EYA2: variants seen among roughly 807,000 people sequenced by gnomAD.
EYA2 encodes the protein EYA transcriptional coactivator and phosphatase 2, also known as protein phosphatase EYA2.
A neutral mutation model predicts 69.2 loss-of-function variants in EYA2; 31 were observed. The ratio of observed to expected loss-of-function variants is 0.45; its 90% CI spans 0.34 to 0.60. The LOEUF is 0.60. Ranked by LOEUF, EYA2 falls within the 20% of genes least tolerant of loss-of-function variation. EYA2 has a pLI of 0.02. For missense variants in EYA2, 622 were observed against 701.2 expected (o/e 0.89, Z 1.28); for synonymous variants, 257 against 279.4 (o/e 0.92, Z 0.80).
intron 5 of EYA2, among the ~76,000 whole-genome samples, chr20:47,039,307 T>G (rs1036958475): frequency 6.6e-6 from 1 of 152,214 alleles, no homozygotes; most frequent in African/African-American, 2.4e-5. Context: ...AGAATAATAT[T>G]TCATGGCACA....
intron 1 of EYA2, among the ~76,000 whole-genome samples, chr20:46,915,360 C>T (rs549990404): frequency 2.5e-4 from 38 of 152,342 alleles, no homozygotes; most frequent in Non-Finnish European, 2.9e-5. Flanking sequence ...TTATGCCCCT[C>T]TCATGGCCTG....
At chr20:46,895,052 T>C (rs1983727383) in intron 1 of EYA2, 65 bp downstream of exon 1, 1 of 151,798 alleles carries the variant, frequency 6.6e-6, no homozygotes. Flanking sequence ...GGGGGAGTTG[T>C]TCACCGGGAC....
At chr20:47,087,969 G>A (rs1415544236) in intron 7 of EYA2, among the ~76,000 whole-genome samples, 1 of 152,244 alleles carries the variant, frequency 6.6e-6, no homozygotes, top group Non-Finnish European at 1.5e-5. Flanking sequence ...GCTCACGCCT[G>A]TAATCCCAGC....
At chr20:47,178,022 C>T (rs762359939) in intron 12 of EYA2, among the ~76,000 whole-genome samples, 14 of 152,160 alleles carry the variant, frequency 9.2e-5, no homozygotes, top group Non-Finnish European at 2.1e-4. Context: ...CCTTCCAGAA[C>T]AAATGACATT....
chr20:47,141,066 C>T (rs1208456179), intron 9 of EYA2, among the ~76,000 whole-genome samples: 2 of 152,176 alleles, frequency 1.3e-5, no homozygotes, highest in Non-Finnish European at 2.9e-5. Flanking sequence ...CCCAACACTG[C>T]CACATTGGAG....
intron 9 of EYA2, among the ~76,000 whole-genome samples, chr20:47,140,666 G>A (rs2033575490): frequency 6.6e-6 from 1 of 152,070 alleles, no homozygotes; most frequent in Non-Finnish European, 1.5e-5. Context: ...AGCTTGTATG[G>A]CCTTGAACAA....
intron 9 of EYA2, among the ~76,000 whole-genome samples, chr20:47,130,917 C>T (rs528430341): frequency 6.6e-6 from 1 of 152,120 alleles, no homozygotes; most frequent in Non-Finnish European, 1.5e-5. Context: ...TGGTGAAACC[C>T]CATCTCTACT....
intron 1 of EYA2, among the ~76,000 whole-genome samples, chr20:46,933,314 G>A (rs1282196345): frequency 6.6e-6 from 1 of 152,180 alleles, no homozygotes; most frequent in Non-Finnish European, 1.5e-5. Context: ...TAGACAGCTG[G>A]GGCAGGAGGA....
chr20:47,160,571 G>T lies in EYA2; in HGVS notation c.979-8568G>T, dbSNP rs527653210. On this transcript the variant is annotated intron_variant, in intron 10 of 15. Coordinates refer to ENST00000327619, the MANE Select transcript of EYA2 (RefSeq NM_005244.5). ...TCGAAGGGAAAGCCAACAGGATTTG[G>T]TGATGGATGGGTGGCAGGATGTCAG... Among the ~76,000 whole-genome samples, 3 of 152,240 alleles carry T rather than the reference G, an allele frequency of 2.0e-5. No homozygotes were observed. The South Asian group carries it at 6.2e-4, about 32-fold the overall frequency.
intron 1 of EYA2, among the ~76,000 whole-genome samples, chr20:46,960,273 A>G (rs978237172): frequency 6.6e-6 from 1 of 152,148 alleles, no homozygotes; most frequent in African/African-American, 2.4e-5. Context: ...ACAGTGGAGG[A>G]AATGAAGGCT....
At chr20:47,021,212 T>A (rs1166623066) in intron 5 of EYA2, among the ~76,000 whole-genome samples, 1 of 152,196 alleles carries the variant, frequency 6.6e-6, no homozygotes, top group Non-Finnish European at 1.5e-5. Context: ...CGCTTCTATT[T>A]CCTGAACTCT....
intron 9 of EYA2, among the ~76,000 whole-genome samples, chr20:47,114,428 G>A (rs1224853120): frequency 2.0e-5 from 3 of 152,052 alleles, no homozygotes; most frequent in East Asian, 1.9e-4. Context: ...CAGCCTGGCC[G>A]ACATGGTGAA....
intron 9 of EYA2, among the ~76,000 whole-genome samples, chr20:47,125,123 G>A (rs994057352): frequency 6.1e-5 from 9 of 146,880 alleles, no homozygotes; most frequent in East Asian, 6.1e-4. Flanking sequence ...GCACTATCTC[G>A]GCTCACTGCA....
At chr20:47,045,424 G>C (rs933292375) in intron 5 of EYA2, among the ~76,000 whole-genome samples, 1 of 152,224 alleles carries the variant, frequency 6.6e-6, no homozygotes, top group Non-Finnish European at 1.5e-5. Flanking sequence ...CTGTTGGTCA[G>C]AGCAAGTCAC....
intron 12 of EYA2, 111 bp downstream of exon 12, chr20:47,172,978 C>A: frequency 8.0e-7 from 1 of 1,249,046 alleles, no homozygotes; most frequent in Non-Finnish European, 1.1e-6. Flanking sequence ...AGTTCAGTAC[C>A]AGCCCACTTA....
intron 1 of EYA2, among the ~76,000 whole-genome samples, chr20:46,977,527 C>T (rs369279245): frequency 1.3e-5 from 2 of 152,188 alleles, no homozygotes; most frequent in African/African-American, 4.8e-5. Flanking sequence ...CTTTGAAGGC[C>T]CTTAAAGGAC....
At chr20:47,098,893 G>C (rs2032342108) in intron 9 of EYA2, among the ~76,000 whole-genome samples, 1 of 152,188 alleles carries the variant, frequency 6.6e-6, no homozygotes, top group South Asian at 2.1e-4. Flanking sequence ...CCATTCTCCA[G>C]CCTCCTTTCC....
chr20:47,034,697 T>C (rs1234063817), intron 5 of EYA2, among the ~76,000 whole-genome samples: 1 of 152,218 alleles, frequency 6.6e-6, no homozygotes, highest in African/African-American at 2.4e-5. Context: ...AAGACTGTCA[T>C]AACAAAGCAC....
At chr20:47,090,919 G>A (rs2032064914) in intron 8 of EYA2, among the ~76,000 whole-genome samples, 1 of 152,042 alleles carries the variant, frequency 6.6e-6, no homozygotes, top group Non-Finnish European at 1.5e-5. Context: ...ATCAAGGGAG[G>A]AAAATGAGCA....
Sources: allele counts gnomAD v4.1 joint callset (sites outside exome capture counted in the v4.1 genomes callset), GRCh38; gene constraint gnomAD v4.1.1; transcripts MANE v1.5; gene names NCBI Gene and HGNC (gene_info 2026-07-23, HGNC 2026-07-21).